The following TAFA1 variants were observed in gnomAD, a reference collection of about 807,000 sequenced individuals.
TAFA1 encodes chemokine-like protein TAFA-1.
Under a neutral mutation model 18.5 loss-of-function variants are expected in TAFA1, and 4 were observed. That is an observed-to-expected ratio of 0.22 (90% CI 0.11 to 0.49). The LOEUF is 0.49. TAFA1 is among the 20% of genes least tolerant of loss of function. The pLI, the probability that TAFA1 is intolerant of heterozygous loss-of-function variation, is 0.98. For missense variants in TAFA1, 147 were observed against 169.0 expected, an observed-to-expected ratio of 0.87 and a Z score of 0.72; for synonymous variants, 56 against 55.2, an observed-to-expected ratio of 1.01 and a Z score of -0.06.
chr3:68,489,284 G>A (rs1015984122), intron 3 of TAFA1, among the ~76,000 whole-genome samples: 1 of 152,168 alleles, frequency 6.6e-6, no homozygotes, highest in Non-Finnish European at 1.5e-5. Context: ...TGCAAAAGGA[G>A]TAGCGAATAC....
intron 2 of TAFA1, among the ~76,000 whole-genome samples, chr3:68,334,124 CAA>C (rs2068929223): frequency 6.6e-6 from 1 of 151,934 alleles, no homozygotes; most frequent in Non-Finnish European, 1.5e-5. Context: ...TGAAATTTGC[CAA>C]GAGAGTAAAT....
At chr3:68,265,454 A>G (rs2067523627) in intron 2 of TAFA1, among the ~76,000 whole-genome samples, 1 of 152,166 alleles carries the variant, frequency 6.6e-6, no homozygotes, top group Non-Finnish European at 1.5e-5. Context: ...TCCTACCAAG[A>G]CCAGCTTTTT....
intron 3 of TAFA1, among the ~76,000 whole-genome samples, chr3:68,424,524 G>T (rs2071018458): frequency 6.6e-6 from 1 of 151,566 alleles, no homozygotes; most frequent in Non-Finnish European, 1.5e-5. Flanking sequence ...CATTATATGA[G>T]ATTCTAGAAC....
chr3:68,512,508 G>C (rs2072863717), intron 3 of TAFA1, among the ~76,000 whole-genome samples: 1 of 152,094 alleles, frequency 6.6e-6, no homozygotes, highest in Admixed American at 6.6e-5. Flanking sequence ...CCTGTGGAAG[G>C]TCCAGGGCCA....
chr3:68,379,681 AGTTTGG>A (rs2069893240), intron 2 of TAFA1, among the ~76,000 whole-genome samples: 1 of 148,546 alleles, frequency 6.7e-6, no homozygotes, highest in Admixed American at 6.7e-5. Context: ...GGGTTTTTAC[AGTTTGG>A]GTTTTTACAT....
chr3:68,070,849 C>T (rs1309150185), intron 2 of TAFA1, among the ~76,000 whole-genome samples: 7 of 152,238 alleles, frequency 4.6e-5, no homozygotes, highest in Admixed American at 4.6e-4. Flanking sequence ...ATCACCTTCT[C>T]CAGTTCCCCA....
At chr3:68,247,863 G>T (rs2067114279) in intron 2 of TAFA1, 1 of 152,172 alleles carries the variant, frequency 6.6e-6, no homozygotes, top group Non-Finnish European at 1.5e-5. Flanking sequence ...GAATCAATTG[G>T]TCTGATCTCC....
intron 2 of TAFA1, among the ~76,000 whole-genome samples, chr3:68,059,687 A>G (rs1308270725): frequency 1.3e-5 from 2 of 152,228 alleles, no homozygotes; most frequent in African/African-American, 4.8e-5. Flanking sequence ...ATAGGGAGCC[A>G]ATAATGAATA....
intron 2 of TAFA1, among the ~76,000 whole-genome samples, chr3:68,329,134 C>T (rs574859513): frequency 4.6e-5 from 7 of 151,078 alleles, no homozygotes; most frequent in South Asian, 2.1e-4. Context: ...ACCCAACCTC[C>T]GCCTCCCGGG....
intron 3 of TAFA1, among the ~76,000 whole-genome samples, chr3:68,501,598 G>A (rs1238581220): frequency 6.6e-6 from 1 of 152,094 alleles, no homozygotes; most frequent in East Asian, 1.9e-4. Context: ...TCTAAACACT[G>A]TGCTAAATGC....
At chr3:68,364,993 G>A (rs763626855) in intron 2 of TAFA1, among the ~76,000 whole-genome samples, 2 of 152,042 alleles carry the variant, frequency 1.3e-5, no homozygotes, top group African/African-American at 2.4e-5. Context: ...GGTGATAATC[G>A]GCTTGTCTGT....
At chr3:68,370,353 T>TATATAC (rs776307736) in intron 2 of TAFA1, among the ~76,000 whole-genome samples, 35 of 41,116 alleles carry the variant, frequency 8.5e-4, no homozygotes, top group African/African-American at 1.7e-3. Flanking sequence ...TATATATATA[T>TATATAC]ACACACACAC....
At chr3:68,461,383 A>ATATATG (rs1553693207) in intron 3 of TAFA1, among the ~76,000 whole-genome samples, 3 of 144,784 alleles carry the variant, frequency 2.1e-5, no homozygotes, top group African/African-American at 5.2e-5. Flanking sequence ...ATATATATGT[A>ATATATG]TGTATGTATA....
intron 2 of TAFA1, among the ~76,000 whole-genome samples, chr3:68,254,595 C>A (rs556488242): frequency 6.6e-6 from 1 of 151,598 alleles, no homozygotes; most frequent in Admixed American, 6.6e-5. Context: ...CATATGGGAA[C>A]CAAAGACATG....
intron 2 of TAFA1, among the ~76,000 whole-genome samples, chr3:68,300,491 G>C (rs2068283189): frequency 6.6e-6 from 1 of 152,214 alleles, no homozygotes; most frequent in Non-Finnish European, 1.5e-5. Flanking sequence ...GTGGAAGGGA[G>C]ACTTGTCTTA....
At chr3:68,038,751 A>G (rs1275629503) in intron 2 of TAFA1, among the ~76,000 whole-genome samples, 3 of 152,202 alleles carry the variant, frequency 2.0e-5, no homozygotes, top group East Asian at 1.9e-4. Context: ...AAGATAAACA[A>G]CAACCCTAGT....
rs537039954 is a variant in TAFA1, at chr3:68,230,158, A to T, written c.119-187122A>T. ...GTCTTCTAGTTATTTTTAAATATAC[A>T]ACAAATTATTGTTAACTACAGTCAC... On this transcript the variant is annotated intron_variant, in intron 2 of 4. Transcript: ENST00000478136. Among the ~76,000 whole-genome samples the T allele has an allele frequency of 2.0e-5, 3 of 152,284 alleles. No individual in the cohort carries two copies. The East Asian group carries it at 5.8e-4, about 29-fold the overall frequency.
At chr3:68,456,410 G>A (rs2071667338) in intron 3 of TAFA1, among the ~76,000 whole-genome samples, 1 of 152,200 alleles carries the variant, frequency 6.6e-6, no homozygotes, top group Middle Eastern at 3.4e-3. Flanking sequence ...ATCTCTTCAG[G>A]CAGATGCTCT....
At chr3:68,476,741 C>G (rs1454634207) in intron 3 of TAFA1, among the ~76,000 whole-genome samples, 2 of 152,058 alleles carry the variant, frequency 1.3e-5, no homozygotes, top group East Asian at 3.9e-4. Context: ...TTACCAGGAT[C>G]CAAGATTATT....
Sources: allele counts gnomAD v4.1 joint callset (sites outside exome capture counted in the v4.1 genomes callset), GRCh38; gene constraint gnomAD v4.1.1; transcripts MANE v1.5; gene names NCBI Gene and HGNC (gene_info 2026-07-23, HGNC 2026-07-21).